Variants in STON2 observed in about 807,000 individuals in gnomAD.
The protein encoded by STON2 is stonin-2.
In STON2, 29 loss-of-function variants were observed where a neutral mutation model predicts 65.7. That is an observed-to-expected ratio of 0.44 (90% CI 0.33 to 0.60). The LOEUF is 0.60. STON2 is among the 20% of genes least tolerant of loss of function. The pLI is 0.03. For missense variants in STON2, 1,054 were observed against 1,118.1 expected (o/e 0.94, Z 0.82); for synonymous variants, 404 against 414.2 (o/e 0.98, Z 0.30).
At chr14:81,345,914 C>T (rs1239798292) in intron 4 of STON2, among the ~76,000 whole-genome samples, 1 of 152,180 alleles carries the variant, frequency 6.6e-6, no homozygotes, top group Non-Finnish European at 1.5e-5. Flanking sequence ...ATCCTTGGTA[C>T]TGCCACTGGA....
intron 4 of STON2, among the ~76,000 whole-genome samples, chr14:81,341,465 T>C (rs1303200715): frequency 6.7e-6 from 1 of 148,296 alleles, no homozygotes; most frequent in East Asian, 2.0e-4. Context: ...TTGTTTTTTT[T>C]TTTTCCCAAA....
intron 5 of STON2, among the ~76,000 whole-genome samples, chr14:81,300,874 C>T (rs900277632): frequency 2.6e-5 from 4 of 152,058 alleles, no homozygotes; most frequent in Admixed American, 2.0e-4. Context: ...TAGACTTGTT[C>T]AAGAATGTTC....
intron 3 of STON2, among the ~76,000 whole-genome samples, chr14:81,372,565 A>AAAGAAG (rs532857835): frequency 9.0e-6 from 1 of 111,430 alleles, no homozygotes; most frequent in Non-Finnish European, 2.0e-5. Flanking sequence ...AAAAAAAAAA[A>AAAGAAG]AAGAAGAAGA....
At chr14:81,319,588 T>G (rs1451531037) in intron 5 of STON2, among the ~76,000 whole-genome samples, 1 of 152,236 alleles carries the variant, frequency 6.6e-6, no homozygotes, top group East Asian at 1.9e-4. Context: ...GAGTGTTATT[T>G]GTTTAAGTAT....
chr14:81,320,768 C>T (rs1254695966), intron 5 of STON2, among the ~76,000 whole-genome samples: 6 of 152,096 alleles, frequency 3.9e-5, no homozygotes, highest in Non-Finnish European at 8.8e-5. Flanking sequence ...GATGTCTCTT[C>T]CTGGCTTAGG....
At chr14:81,425,791 G>C (rs1256700903) in intron 2 of STON2, among the ~76,000 whole-genome samples, 1 of 152,186 alleles carries the variant, frequency 6.6e-6, no homozygotes, top group Non-Finnish European at 1.5e-5. Context: ...ATAGAGGCCA[G>C]ATCTGATCGC....
intron 7 of STON2, chr14:81,270,202 TCA>T (rs1301927632): frequency 5.0e-6 from 2 of 400,010 alleles, no homozygotes; most frequent in Non-Finnish European, 6.8e-6. Context: ...TCCTCCCACC[TCA>T]GTCTCCTGAG....
chr14:81,389,662 A>T (rs1899986202), intron 3 of STON2, among the ~76,000 whole-genome samples: 1 of 152,226 alleles, frequency 6.6e-6, no homozygotes, highest in South Asian at 2.1e-4. Context: ...TTTAGACAAA[A>T]GTTTCTCCTA....
At chr14:81,339,720 C>T (rs1285555815) in intron 4 of STON2, among the ~76,000 whole-genome samples, 1 of 152,140 alleles carries the variant, frequency 6.6e-6, no homozygotes, top group Non-Finnish European at 1.5e-5. Context: ...AGTGGCTTAC[C>T]TGCTCCTCAA....
intron 4 of STON2, 97 bp downstream of exon 4, chr14:81,370,891 G>C: frequency 8.7e-7 from 1 of 1,152,906 alleles, no homozygotes; most frequent in Non-Finnish European, 1.2e-6. Context: ...ATTCTGCAAA[G>C]GAAGCCAGCT....
chr14:81,378,894 AAT>A (rs1409450535), intron 3 of STON2, among the ~76,000 whole-genome samples: 4 of 152,326 alleles, frequency 2.6e-5, no homozygotes, highest in Admixed American at 2.6e-4. Flanking sequence ...TCATGGTAGT[AAT>A]TTTTAGCAAA....
At chr14:81,428,343 C>T (rs764011229) in intron 1 of STON2, among the ~76,000 whole-genome samples, 6 of 152,228 alleles carry the variant, frequency 3.9e-5, no homozygotes, top group African/African-American at 7.2e-5. Context: ...ATTTAAACAA[C>T]GTATAACTGG....
intron 5 of STON2, among the ~76,000 whole-genome samples, chr14:81,284,912 G>C (rs1895276261): frequency 6.6e-6 from 1 of 152,198 alleles, no homozygotes; most frequent in Admixed American, 6.5e-5. Context: ...GTCAATGGAA[G>C]AACAAAGCCC....
chr14:81,300,903 A>G (rs533843939), intron 5 of STON2, among the ~76,000 whole-genome samples: 1 of 152,230 alleles, frequency 6.6e-6, no homozygotes, highest in African/African-American at 2.4e-5. Flanking sequence ...TTTATTAATA[A>G]TAGTGAAAAC....
intron 4 of STON2, among the ~76,000 whole-genome samples, chr14:81,357,710 A>C (rs1442889935): frequency 6.6e-6 from 1 of 152,172 alleles, no homozygotes; most frequent in Non-Finnish European, 1.5e-5. Flanking sequence ...ACGCAGCCAT[A>C]AAAAATGATG....
At chr14:81,390,222 A>G (rs1418036281) in intron 3 of STON2, among the ~76,000 whole-genome samples, 2 of 151,922 alleles carry the variant, frequency 1.3e-5, no homozygotes, top group Non-Finnish European at 2.9e-5. Flanking sequence ...AAACTTAAAA[A>G]CAGAAAGACA....
Position 81,261,205 on chromosome 14 carries a change from A to G in STON2, c.*7209T>C, listed in dbSNP as rs985332911. The G allele has an allele frequency of 6.6e-6, 1 of 152,200 alleles. No individual in the cohort carries two copies. The highest frequency in any genetic ancestry group is 2.4e-5 in the African/African-American group (1 of 41,430). 9.4% of individuals were successfully genotyped at this position (152,200 alleles called of 1,614,324 possible). On this transcript the variant is annotated 3_prime_UTR_variant, in exon 8 of 8. Transcript: ENST00000614646. Reference sequence around the variant, plus strand: ...CTGACTATACATCTGCTTTCCCACAATGCTCTGGTAGAATACCACTGGGGT... The same window carrying G: ...CTGACTATACATCTGCTTTCCCACAGTGCTCTGGTAGAATACCACTGGGGT...
chr14:81,337,358 T>C (rs576201867), intron 4 of STON2, among the ~76,000 whole-genome samples: 8 of 152,324 alleles, frequency 5.3e-5, no homozygotes, highest in Non-Finnish European at 1.2e-4. Context: ...GCATCTACTA[T>C]GTGCCAGGCA....
chr14:81,409,357 A>G (rs1901036674), intron 2 of STON2, among the ~76,000 whole-genome samples: 1 of 151,958 alleles, frequency 6.6e-6, no homozygotes, highest in African/African-American at 2.4e-5. Context: ...GTGAGCCGAG[A>G]CTGCACTACT....
Sources: allele counts gnomAD v4.1 joint callset (sites outside exome capture counted in the v4.1 genomes callset), GRCh38; gene constraint gnomAD v4.1.1; transcripts MANE v1.5; gene names NCBI Gene and HGNC (gene_info 2026-07-23, HGNC 2026-07-21).